Variants in CCDC192 observed in about 807,000 individuals in gnomAD.
CCDC192 encodes the protein coiled-coil domain-containing protein 192.
At chr5:127,902,100 G>A (rs1199690319) in intron 6 of CCDC192, among the ~76,000 whole-genome samples, 2 of 152,010 alleles carry the variant, frequency 1.3e-5, no homozygotes, top group Non-Finnish European at 2.9e-5. Flanking sequence ...GTGAAACCCT[G>A]TCTCTACTAA....
intron 3 of CCDC192, among the ~76,000 whole-genome samples, chr5:127,791,622 C>A (rs967185883): frequency 6.6e-6 from 1 of 152,158 alleles, no homozygotes; most frequent in Admixed American, 6.5e-5. Flanking sequence ...AGAATAGAGA[C>A]TTCAGTAACC....
At chr5:127,728,065 T>G (rs558298456) in intron 2 of CCDC192, among the ~76,000 whole-genome samples, 1 of 152,278 alleles carries the variant, frequency 6.6e-6, no homozygotes, top group South Asian at 2.1e-4. Context: ...AACCTACAAC[T>G]GATTGGGGTA....
chr5:127,842,213 T>G (rs577213729), intron 5 of CCDC192, among the ~76,000 whole-genome samples: 2 of 149,240 alleles, frequency 1.3e-5, no homozygotes, highest in Admixed American at 1.3e-4. Context: ...TTTTTTATTA[T>G]TAGTATTTTT....
intron 6 of CCDC192, among the ~76,000 whole-genome samples, chr5:127,904,216 A>G (rs1458267336): frequency 1.3e-5 from 2 of 152,228 alleles, no homozygotes; most frequent in Non-Finnish European, 2.9e-5. Context: ...GGCAAGAAAC[A>G]GATTCTATCC....
chr5:127,924,068 A>G (rs1753804399), intron 6 of CCDC192, among the ~76,000 whole-genome samples: 3 of 152,200 alleles, frequency 2.0e-5, no homozygotes, highest in Non-Finnish European at 4.4e-5. Flanking sequence ...ACTCTGACCA[A>G]TATATTCACA....
At chr5:127,890,262 A>G (rs1231208709) in intron 6 of CCDC192, among the ~76,000 whole-genome samples, 1 of 152,044 alleles carries the variant, frequency 6.6e-6, no homozygotes, top group Non-Finnish European at 1.5e-5. Context: ...TTGTAGTTTC[A>G]GCTACTCAGG....
chr5:127,784,207 AAC>A (rs755733813), intron 3 of CCDC192, among the ~76,000 whole-genome samples: 29 of 152,348 alleles, frequency 1.9e-4, no homozygotes, highest in Non-Finnish European at 3.5e-4. Flanking sequence ...TTAAAAATGA[AAC>A]ACACTAAAAA....
chr5:127,867,660 G>C (rs1452872978), intron 5 of CCDC192, among the ~76,000 whole-genome samples: 1 of 152,170 alleles, frequency 6.6e-6, no homozygotes, highest in Non-Finnish European at 1.5e-5. Flanking sequence ...TCTGTTCTCA[G>C]GGTGTGATTT....
In CCDC192 at chr5:127,828,846, G is replaced by A. The variant is rs114710863; in HGVS notation, c.411+30684G>A. On this transcript the variant is annotated intron_variant, in intron 5 of 6. Coordinates refer to ENST00000514853, the MANE Select transcript of CCDC192 (RefSeq NM_001317938.2). Reference sequence around the variant, plus strand: ...AACAGAAAGTTGTCCAGAAATAAGGGTAAGGAGGTAGGCATTGCCAAGAGC... The same window carrying A: ...AACAGAAAGTTGTCCAGAAATAAGGATAAGGAGGTAGGCATTGCCAAGAGC... Among the ~76,000 whole-genome samples the A allele has an allele frequency of 4.4e-3, 669 of 152,316 alleles. 3 individuals carry two copies. Among genetic ancestry groups the A allele is most frequent in the African/African-American group, 0.016 (649 of 41,568 alleles).
chr5:127,829,071 A>G (rs573844890), intron 5 of CCDC192, among the ~76,000 whole-genome samples: 1 of 152,194 alleles, frequency 6.6e-6, no homozygotes, highest in Non-Finnish European at 1.5e-5. Context: ...GGATGGTGAG[A>G]GATGGGAGAT....
At chr5:127,792,151 G>T (rs1483377304) in intron 3 of CCDC192, among the ~76,000 whole-genome samples, 1 of 152,110 alleles carries the variant, frequency 6.6e-6, no homozygotes, top group Non-Finnish European at 1.5e-5. Flanking sequence ...GTCTGTATTA[G>T]TCCATTCTCA....
intron 6 of CCDC192, among the ~76,000 whole-genome samples, chr5:127,909,615 CA>C: frequency 6.6e-6 from 1 of 151,942 alleles, no homozygotes; most frequent in Admixed American, 6.6e-5. Flanking sequence ...TTCATTGTCA[CA>C]TTGCTAGTTA....
At chr5:127,847,878 C>A (rs979610008) in intron 5 of CCDC192, among the ~76,000 whole-genome samples, 5 of 150,844 alleles carry the variant, frequency 3.3e-5, no homozygotes, top group Non-Finnish European at 7.4e-5. Flanking sequence ...CTCACTGCAA[C>A]CTCCACCTCC....
At chr5:127,762,617 A>G (rs1754994771) in intron 3 of CCDC192, among the ~76,000 whole-genome samples, 1 of 152,206 alleles carries the variant, frequency 6.6e-6, no homozygotes, top group South Asian at 2.1e-4. Context: ...TTACATAACT[A>G]AAAACTTCCT....
At chr5:127,852,697 C>A (rs1221528484) in intron 5 of CCDC192, among the ~76,000 whole-genome samples, 1 of 152,190 alleles carries the variant, frequency 6.6e-6, no homozygotes, top group African/African-American at 2.4e-5. Flanking sequence ...CTAAAGATGC[C>A]TGGTGGTCCT....
intron 2 of CCDC192, among the ~76,000 whole-genome samples, chr5:127,751,914 T>A (rs1580594244): frequency 6.6e-6 from 1 of 152,172 alleles, no homozygotes; most frequent in Admixed American, 6.5e-5. Flanking sequence ...CATCGGCTCC[T>A]GAGGCTTCTG....
chr5:127,894,972 T>C (rs1358451889), intron 6 of CCDC192, among the ~76,000 whole-genome samples: 1 of 152,234 alleles, frequency 6.6e-6, no homozygotes, highest in East Asian at 1.9e-4. Flanking sequence ...CTGGCAACTC[T>C]GGGCTGAATT....
rs73347009 is a variant in CCDC192, at chr5:127,819,515, T to G, written c.411+21353T>G. On this transcript the variant is annotated intron_variant, in intron 5 of 6. Transcript: ENST00000514853. ...GTGATGTGATAATATATGTTATCTT[T>G]TTTGAGTCTGGGTGGTCACTTCCAT... Among the ~76,000 whole-genome samples, 700 of 152,290 alleles carry G rather than the reference T, an allele frequency of 4.6e-3. 1 individual carries two copies. The highest frequency in any genetic ancestry group is 0.016 in the African/African-American group (654 of 41,556).
intron 3 of CCDC192, among the ~76,000 whole-genome samples, chr5:127,767,746 G>A (rs1236395768): frequency 6.6e-6 from 1 of 151,988 alleles, no homozygotes; most frequent in Non-Finnish European, 1.5e-5. Context: ...TTGGCCTGTT[G>A]GTAAATATTT....
Sources: allele counts gnomAD v4.1 joint callset (sites outside exome capture counted in the v4.1 genomes callset), GRCh38; gene constraint gnomAD v4.1.1; transcripts MANE v1.5; gene names NCBI Gene and HGNC (gene_info 2026-07-23, HGNC 2026-07-21).